The following NUP210 variants were observed in gnomAD, a reference collection of about 807,000 sequenced individuals.
NUP210 encodes the protein nuclear pore membrane glycoprotein 210.
Under a neutral mutation model 196.0 loss-of-function variants are expected in NUP210, and 151 were observed. The ratio of observed to expected loss-of-function variants is 0.77; its 90% CI spans 0.67 to 0.88. NUP210 has a LOEUF of 0.88. Among genes scored for constraint, NUP210 ranks in the 40% least tolerant of loss-of-function variants. The pLI, the probability that NUP210 is intolerant of heterozygous loss-of-function variation, is 0.00. For synonymous variants in NUP210, 1,070 were observed against 1,052.7 expected (o/e 1.02, Z -0.32); for missense variants, 2,314 against 2,493.7 (o/e 0.93, Z 1.53).
intron 6 of NUP210, among the ~76,000 whole-genome samples, chr3:13,380,272 G>C (rs1177688553): frequency 6.6e-6 from 1 of 152,168 alleles, no homozygotes; most frequent in Admixed American, 6.5e-5. Flanking sequence ...CGAGAAGTAA[G>C]AGTTCTATAA....
At chr3:13,383,704 T>G (rs1280570572) in intron 6 of NUP210, among the ~76,000 whole-genome samples, 1 of 151,912 alleles carries the variant, frequency 6.6e-6, no homozygotes, top group Non-Finnish European at 1.5e-5. Context: ...TTTTTCTGTA[T>G]TTTTAGTAGA....
intron 32 of NUP210, among the ~76,000 whole-genome samples, chr3:13,326,446 A>G (rs989004566): frequency 6.6e-6 from 1 of 152,264 alleles, no homozygotes; most frequent in Non-Finnish European, 1.5e-5. Flanking sequence ...AAGTACAATT[A>G]AAGGACTCAA....
At chr3:13,361,799 T>C (rs1192913997) in intron 14 of NUP210, among the ~76,000 whole-genome samples, 4 of 152,218 alleles carry the variant, frequency 2.6e-5, no homozygotes, top group Non-Finnish European at 4.4e-5. Context: ...GCTCAGCTTC[T>C]GTCCTGGGAC....
chr3:13,336,030 G>A (rs972367473), intron 27 of NUP210, among the ~76,000 whole-genome samples: 1 of 152,200 alleles, frequency 6.6e-6, no homozygotes, highest in Non-Finnish European at 1.5e-5. Context: ...TGTTCCATGG[G>A]AGCAATCTGG....
At chr3:13,365,852 G>C in intron 14 of NUP210, 94 bp downstream of exon 14, 1 of 1,337,570 alleles carries the variant, frequency 7.5e-7, no homozygotes, top group Non-Finnish European at 1.1e-6. Context: ...TGAAGGAATC[G>C]GGTTTATCAT....
rs757775480 is a variant in NUP210 at position 13,336,907 on chromosome 3, A to G, written c.3564T>C (p.Tyr1188=). The part of the protein sequence containing the change: ...RMRTGTQMPI[Y]VTGITNHQNP... ...TCTGGTGGTTGGTGATGCCGGTGAC[A>G]TAGATGGGCATCTGCAGGGGAGAAG... The change falls in exon 27 of 40, where the codon TAT becomes TAC. Residue 1188 remains tyrosine (Y), a synonymous_variant. Transcript: ENST00000254508. 1.9e-6 allele frequency: 3 copies of G among 1,613,422 alleles called. No homozygotes were observed. The highest frequency in any genetic ancestry group is 2.5e-6 in the Non-Finnish European group (3 of 1,179,694).
intron 28 of NUP210, among the ~76,000 whole-genome samples, chr3:13,333,133 C>T (rs1310614995): frequency 6.6e-6 from 1 of 152,230 alleles, no homozygotes; most frequent in East Asian, 1.9e-4. Context: ...AATGATCAGC[C>T]TCATGAGGTC....
At chr3:13,387,989 TG>T (rs1699340358) in intron 5 of NUP210, among the ~76,000 whole-genome samples, 1 of 151,922 alleles carries the variant, frequency 6.6e-6, no homozygotes, top group Admixed American at 6.6e-5. Context: ...ACCAGCACGG[TG>T]GGGGCACCAG....
At chr3:13,383,300 G>T (rs1055786903) in intron 6 of NUP210, among the ~76,000 whole-genome samples, 67 of 152,144 alleles carry the variant, frequency 4.4e-4, no homozygotes, top group Non-Finnish European at 7.9e-4. Context: ...AATCGCACAG[G>T]AGTGTGTATT....
intron 29 of NUP210, 64 bp downstream of exon 29, chr3:13,332,229 C>A (rs1186382869): frequency 1.5e-6 from 2 of 1,314,780 alleles, no homozygotes; most frequent in Admixed American, 3.4e-5. Context: ...AGTGTTGACA[C>A]ATGAGGTGTC....
intron 4 of NUP210, 117 bp from the exon 5 acceptor site, chr3:13,388,570 G>T (rs1699362179): frequency 1.8e-6 from 2 of 1,107,876 alleles, no homozygotes; most frequent in Admixed American, 6.3e-5. Flanking sequence ...TGAAATAAGG[G>T]GTGTCCCCCT....
chr3:13,369,625 T>C (rs1250989359), intron 13 of NUP210, among the ~76,000 whole-genome samples: 1 of 152,240 alleles, frequency 6.6e-6, no homozygotes, highest in African/African-American at 2.4e-5. Flanking sequence ...TTCATTCTTA[T>C]GCATGTCGAT....
intron 3 of NUP210, among the ~76,000 whole-genome samples, chr3:13,393,560 G>A (rs957682556): frequency 4.6e-5 from 7 of 152,214 alleles, no homozygotes; most frequent in African/African-American, 1.7e-4. Flanking sequence ...TTCATGCATG[G>A]GCCTGCCAGC....
Position 13,349,169 on chromosome 3 carries a change from GGC to G in NUP210, c.2835+2708_2835+2709del, listed in dbSNP as rs1422703427. 2.0e-5 allele frequency among the ~76,000 whole-genome samples: 3 copies of G among 152,280 alleles called. No individual in the cohort carries two copies. In the South Asian group the frequency reaches 6.2e-4, roughly 32 times the overall value. ...CCTGCTGACATCTGGGAAGAACAAG[GGC>G]CTGTGGTGCGTGAAATAAGATGCCC... On this transcript the variant is annotated intron_variant, in intron 20 of 39. Coordinates refer to ENST00000254508, the MANE Select transcript of NUP210 (RefSeq NM_024923.4).
chr3:13,398,313 C>T (rs1184757056), intron 2 of NUP210, among the ~76,000 whole-genome samples: 2 of 151,976 alleles, frequency 1.3e-5, no homozygotes, highest in Non-Finnish European at 2.9e-5. Context: ...CATGGTGGCA[C>T]ATGCCTACAA....
intron 14 of NUP210, among the ~76,000 whole-genome samples, chr3:13,360,870 T>C (rs1040606967): frequency 6.6e-6 from 1 of 152,168 alleles, no homozygotes; most frequent in Non-Finnish European, 1.5e-5. Flanking sequence ...CAGATGTTCA[T>C]CACACTATTA....
In NUP210 at chr3:13,339,856, G is replaced by A; in HGVS notation, c.3469C>T (p.Gln1157Ter). Residue 1157 changes from glutamine to a stop codon, truncating the protein, a stop_gained and splice_region_variant, in exon 25 of 40, where the codon CAG (glutamine) becomes TAG (stop). Transcript: ENST00000254508. LOFTEE classifies it high-confidence loss of function. ...AETGKVVIISQDLVQVEVLLL... is the reference protein window; with the variant it reads ...AETGKVVIIS Reference sequence around the variant, plus strand: ...GTCTCCAATAGCACGCCTGTTACCTGAGAGATGATGACCACCTTGCCGGTC... The same window carrying A: ...GTCTCCAATAGCACGCCTGTTACCTAAGAGATGATGACCACCTTGCCGGTC... 1.2e-6 allele frequency: 2 copies of A among 1,612,294 alleles called. No homozygotes were observed. Among genetic ancestry groups the A allele is most frequent in the Non-Finnish European group, 1.7e-6 (2 of 1,179,136 alleles).
intron 20 of NUP210, among the ~76,000 whole-genome samples, chr3:13,349,599 A>G (rs1697895728): frequency 6.6e-6 from 1 of 152,228 alleles, no homozygotes; most frequent in African/African-American, 2.4e-5. Context: ...GTCACCAGAG[A>G]GAGATGCACC....
chr3:13,351,909 C>A lies in NUP210; in HGVS notation c.2805G>T (p.Val935=), dbSNP rs1282177518. ...CGACACCCCTGGCCTCCTGGTAGGC[C>A]ACCTTGACAACATCTGCGGTGCTGG... is the stretch of plus-strand genomic sequence containing the variant. ...LNTSTADVVK[V]AYQEARGVAM... The change falls in exon 20 of 40, where the codon GTG becomes GTT. Residue 935 remains valine (V), a synonymous_variant. Coordinates refer to ENST00000254508, the MANE Select transcript of NUP210 (RefSeq NM_024923.4). The A allele has an allele frequency of 1.9e-6, 3 of 1,613,758 alleles. No homozygotes were observed. The East Asian group carries it at 6.7e-5, about 36-fold the overall frequency.
Sources: allele counts gnomAD v4.1 joint callset (sites outside exome capture counted in the v4.1 genomes callset), GRCh38; gene constraint gnomAD v4.1.1; transcripts MANE v1.5; gene names NCBI Gene and HGNC (gene_info 2026-07-23, HGNC 2026-07-21).